The following TBCA variants were observed in gnomAD, a reference collection of about 807,000 sequenced individuals.
The protein encoded by TBCA is tubulin-specific chaperone A.
In TBCA, 6 loss-of-function variants were observed where a neutral mutation model predicts 15.8. That is an observed-to-expected ratio of 0.38 (90% confidence interval 0.21 to 0.75). TBCA has a LOEUF of 0.75. Ranked by LOEUF, TBCA falls within the 30% of genes least tolerant of loss-of-function variation. The probability of loss-of-function intolerance (pLI) is 0.46; values close to 1 mark genes in which losing one functional copy is unlikely to be tolerated. For synonymous variants in TBCA, 32 were observed against 42.3 expected (o/e 0.76, Z 0.94); for missense variants, 90 against 131.2 (o/e 0.69, Z 1.53).
In TBCA at chr5:77,693,266, T is replaced by C; in HGVS notation, c.246A>G (p.Leu82=). The C allele has an allele frequency of 1.9e-6, 3 of 1,613,812 alleles. No homozygotes were observed. The South Asian group carries it at 3.3e-5, about 18-fold the overall frequency. Reference sequence around the variant, plus strand: ...ACATGACACAGAAGTCTTTGCTTACTAGTATCCGTTGAAGATCCAAATATG... The same window carrying C: ...ACATGACACAGAAGTCTTTGCTTACCAGTATCCGTTGAAGATCCAAATATG... The part of the protein sequence containing the change: ...EAAYLDLQRI[L]ENEKDLEEAE... Residue 82 remains leucine (L), a splice_region_variant and synonymous_variant, in exon 3 of 4, where the codon CTA becomes CTG. Transcript: ENST00000380377.
chr5:77,692,839 T>C (rs3776922), intron 3 of TBCA: 104,892 of 1,081,654 alleles, frequency 0.097, 6,856 homozygotes, highest in East Asian at 0.36. Context: ...CCTCTCAAAC[T>C]GATCTAGGTT....
intron 1 of TBCA, among the ~76,000 whole-genome samples, chr5:77,771,282 TAAC>T (rs1302381696): frequency 1.7e-4 from 26 of 152,022 alleles, no homozygotes; most frequent in Middle Eastern, 6.8e-3. Context: ...CAACTAAAAA[TAAC>T]AACAATACTA....
intron 2 of TBCA, among the ~76,000 whole-genome samples, chr5:77,699,511 T>C (rs1248723374): frequency 1.3e-5 from 2 of 152,164 alleles, no homozygotes; most frequent in East Asian, 3.8e-4. Flanking sequence ...CAAATGCTGC[T>C]GGAGCAACTG....
chr5:77,773,185 A>G (rs1296664928), intron 1 of TBCA, among the ~76,000 whole-genome samples: 1 of 152,176 alleles, frequency 6.6e-6, no homozygotes, highest in East Asian at 1.9e-4. Flanking sequence ...TGGATTATTT[A>G]TATTTTCAAA....
At chr5:77,734,023 G>A (rs1363345199) in intron 1 of TBCA, among the ~76,000 whole-genome samples, 1 of 152,150 alleles carries the variant, frequency 6.6e-6, no homozygotes, top group Non-Finnish European at 1.5e-5. Flanking sequence ...TAAATGAAAT[G>A]ACAAAGCATG....
At chr5:77,707,394 G>C (rs758736828) in intron 2 of TBCA, among the ~76,000 whole-genome samples, 7 of 152,186 alleles carry the variant, frequency 4.6e-5, no homozygotes, top group Non-Finnish European at 8.8e-5. Flanking sequence ...AACTCAGTTT[G>C]AGGTGAGAGT....
At chr5:77,702,332 T>C (rs182355513) in intron 2 of TBCA, among the ~76,000 whole-genome samples, 1 of 152,332 alleles carries the variant, frequency 6.6e-6, no homozygotes, top group East Asian at 1.9e-4. Flanking sequence ...CATGGAATAC[T>C]ACTTAGCAGT....
At chr5:77,731,462 C>T (rs1746767304) in intron 1 of TBCA, among the ~76,000 whole-genome samples, 1 of 152,144 alleles carries the variant, frequency 6.6e-6, no homozygotes, top group African/African-American at 2.4e-5. Flanking sequence ...GAAGTGCTCA[C>T]AACCATGCCA....
At chr5:77,748,228 G>A (rs192288627) in intron 1 of TBCA, among the ~76,000 whole-genome samples, 8 of 152,302 alleles carry the variant, frequency 5.3e-5, no homozygotes, top group Middle Eastern at 3.4e-3. Context: ...GCCATTCTGA[G>A]GAATCCACAT....
At chr5:77,702,974 CTTCT>C (rs1301665482) in intron 2 of TBCA, among the ~76,000 whole-genome samples, 1 of 152,146 alleles carries the variant, frequency 6.6e-6, no homozygotes, top group African/African-American at 2.4e-5. Flanking sequence ...AAAGGGGGAT[CTTCT>C]TTGTTGACTG....
intron 1 of TBCA, among the ~76,000 whole-genome samples, chr5:77,714,569 A>ATTTTTTT (rs1397824632): frequency 8.4e-6 from 1 of 119,402 alleles, no homozygotes; most frequent in African/African-American, 3.2e-5. Flanking sequence ...TACTATTATT[A>ATTTTTTT]TTATTATTTT....
intron 1 of TBCA, among the ~76,000 whole-genome samples, chr5:77,742,651 T>C (rs538739977): frequency 1.6e-4 from 24 of 152,190 alleles, no homozygotes; most frequent in Non-Finnish European, 3.1e-4. Flanking sequence ...GTTCAGGTAA[T>C]ATGATTTTAA....
chr5:77,722,629 A>G (rs1746551225), intron 1 of TBCA, among the ~76,000 whole-genome samples: 1 of 151,956 alleles, frequency 6.6e-6, no homozygotes, highest in Non-Finnish European at 1.5e-5. Context: ...CCCTTCCCAA[A>G]CTAATTCGAG....
At chr5:77,729,349 T>C (rs888106965) in intron 1 of TBCA, among the ~76,000 whole-genome samples, 10 of 151,986 alleles carry the variant, frequency 6.6e-5, no homozygotes, top group Non-Finnish European at 1.2e-4. Flanking sequence ...ATACCATCAC[T>C]GGAAAAGTGT....
rs1328574363 is a variant in TBCA at position 77,738,486 on chromosome 5, C to T, written c.54-30139G>A. Among the ~76,000 whole-genome samples the T allele has an allele frequency of 2.0e-5, 3 of 152,326 alleles. No homozygotes were observed. In the East Asian group the frequency reaches 5.8e-4, roughly 29 times the overall value. On this transcript the variant is annotated intron_variant, in intron 1 of 3. Coordinates refer to ENST00000380377, the MANE Select transcript of TBCA (RefSeq NM_004607.3). Reference sequence around the variant, plus strand: ...TCCTGTTCCAGCGCTGCAAACAAAACAAGCAGTCAGTAACATTTAGTCATG... The same window carrying T: ...TCCTGTTCCAGCGCTGCAAACAAAATAAGCAGTCAGTAACATTTAGTCATG...
intron 1 of TBCA, among the ~76,000 whole-genome samples, chr5:77,725,507 G>C (rs1746612789): frequency 6.6e-6 from 1 of 152,180 alleles, no homozygotes; most frequent in African/African-American, 2.4e-5. Context: ...TGCTATAATA[G>C]AGTTTGAAAA....
intron 1 of TBCA, among the ~76,000 whole-genome samples, chr5:77,733,250 C>T (rs1404450462): frequency 6.6e-6 from 1 of 152,158 alleles, no homozygotes; most frequent in African/African-American, 2.4e-5. Context: ...TATTGCACTC[C>T]AGCCTGGGCA....
At chr5:77,747,494 A>G (rs1330454201) in intron 1 of TBCA, among the ~76,000 whole-genome samples, 1 of 152,154 alleles carries the variant, frequency 6.6e-6, no homozygotes, top group African/African-American at 2.4e-5. Context: ...TAAGAATCAG[A>G]TATGGCAAGC....
At chr5:77,714,266 G>A (rs574094524) in intron 1 of TBCA, among the ~76,000 whole-genome samples, 1 of 152,074 alleles carries the variant, frequency 6.6e-6, no homozygotes, top group African/African-American at 2.4e-5. Context: ...GCTGCAGTGA[G>A]CCAAGATCGT....
Sources: allele counts gnomAD v4.1 joint callset (sites outside exome capture counted in the v4.1 genomes callset), GRCh38; gene constraint gnomAD v4.1.1; transcripts MANE v1.5; gene names NCBI Gene and HGNC (gene_info 2026-07-23, HGNC 2026-07-21).